TNRC6C: variants seen among roughly 807,000 people sequenced by gnomAD.
TNRC6C encodes trinucleotide repeat-containing gene 6C protein.
In TNRC6C, 20 loss-of-function variants were observed where a neutral mutation model predicts 153.7. That is an observed-to-expected ratio of 0.13 (90% CI 0.09 to 0.19). TNRC6C has a LOEUF of 0.19. Among genes scored for constraint, TNRC6C ranks in the 10% least tolerant of loss-of-function variants. The pLI is 1.00. For missense variants in TNRC6C, 1,987 were observed against 2,172.0 expected, an observed-to-expected ratio of 0.91 and a Z score of 1.69; for synonymous variants, 811 against 841.4, an observed-to-expected ratio of 0.96 and a Z score of 0.63.
Position 78,050,785 on chromosome 17 carries a change from C to G in TNRC6C, c.1723C>G (p.Pro575Ala), listed in dbSNP as rs759666081. 6 of 1,608,040 alleles carry G rather than the reference C, an allele frequency of 3.7e-6. No individual in the cohort carries two copies. The South Asian group carries it at 5.5e-5, about 15-fold the overall frequency. The change falls in exon 3 of 20, where the codon CCA becomes GCA. Residue 575 changes from proline to alanine, a missense_variant. Physicochemically the swap from Pro to Ala is conservative, Grantham distance 27 (BLOSUM62 -1). Transcript: ENST00000301624. ...CAAGTCACCCACCTGGGGTGAGCCT[C>G]CAAAGCCCAAATCCCAACACTGGGG...
intron 11 of TNRC6C, among the ~76,000 whole-genome samples, chr17:78,083,864 G>A (rs2073226224): frequency 6.6e-6 from 1 of 151,996 alleles, no homozygotes. Context: ...TAATTGCCAT[G>A]TCATTGTATA....
chr17:78,099,583 C>T (rs1394093421), intron 17 of TNRC6C, among the ~76,000 whole-genome samples: 1 of 152,096 alleles, frequency 6.6e-6, no homozygotes, highest in African/African-American at 2.4e-5. Flanking sequence ...ATGGAAAAGA[C>T]CTGCCCCCAT....
intron 2 of TNRC6C, among the ~76,000 whole-genome samples, chr17:78,038,754 T>G (rs1237897880): frequency 1.3e-5 from 2 of 152,094 alleles, no homozygotes; most frequent in Non-Finnish European, 2.9e-5. Context: ...TAGATCACTT[T>G]TCACTTACCA....
intron 1 of TNRC6C, among the ~76,000 whole-genome samples, chr17:77,974,279 A>G (rs1177460713): frequency 1.3e-5 from 2 of 152,200 alleles, no homozygotes; most frequent in Non-Finnish European, 2.9e-5. Flanking sequence ...AAAGATATAC[A>G]AATAGCTGAT....
intron 10 of TNRC6C, among the ~76,000 whole-genome samples, chr17:78,082,660 G>A (rs748609734): frequency 3.3e-5 from 5 of 152,158 alleles, no homozygotes; most frequent in South Asian, 2.1e-4. Flanking sequence ...ATGAACAGGC[G>A]CCCCTCATGC....
exon 3 of TNRC6C, chr17:78,051,355 A>G: frequency 6.4e-7 from 1 of 1,551,094 alleles, no homozygotes; most frequent in Non-Finnish European, 8.7e-7. Flanking sequence ...CACCACCACC[A>G]CCACTACCAC....
chr17:78,018,790 T>C (rs914351799), intron 1 of TNRC6C, among the ~76,000 whole-genome samples: 5 of 152,174 alleles, frequency 3.3e-5, no homozygotes, highest in Admixed American at 6.5e-5. Flanking sequence ...TCTGTATTTA[T>C]TGAATGAGTG....
chr17:78,045,802 A>G (rs2072397264), intron 2 of TNRC6C, among the ~76,000 whole-genome samples: 1 of 152,134 alleles, frequency 6.6e-6, no homozygotes, highest in African/African-American at 2.4e-5. Context: ...TTAAACATAA[A>G]AATTAAAAAT....
intron 1 of TNRC6C, among the ~76,000 whole-genome samples, chr17:77,974,648 T>G (rs2070972582): frequency 6.6e-6 from 1 of 152,232 alleles, no homozygotes; most frequent in Non-Finnish European, 1.5e-5. Flanking sequence ...TTGGTTCATT[T>G]CGTTTTGGGT....
intron 1 of TNRC6C, among the ~76,000 whole-genome samples, chr17:77,964,998 C>T (rs1358798863): frequency 1.3e-5 from 2 of 152,044 alleles, no homozygotes; most frequent in Admixed American, 6.6e-5. Flanking sequence ...TGGGAGTGGA[C>T]GAGGTTAGAA....
At chr17:77,962,760 A>G (rs1255432329) in intron 1 of TNRC6C, among the ~76,000 whole-genome samples, 3 of 152,172 alleles carry the variant, frequency 2.0e-5, no homozygotes, top group Admixed American at 2.0e-4. Flanking sequence ...CTCCAGCTCT[A>G]TCTCAGAGGG....
intron 9 of TNRC6C, 190 bp downstream of exon 11, chr17:78,077,524 G>A: frequency 1.4e-6 from 1 of 718,280 alleles, no homozygotes; most frequent in Non-Finnish European, 2.3e-6. Context: ...AGTAGGAAAT[G>A]CTTTAGTTAT....
At chr17:77,973,959 TTTGTTGTTG>T (rs372932549) in intron 1 of TNRC6C, among the ~76,000 whole-genome samples, 70 of 151,214 alleles carry the variant, frequency 4.6e-4, no homozygotes, top group African/African-American at 1.6e-3. Context: ...CCAGAAGGCT[TTTGTTGTTG>T]TTGTTGTTGT....
chr17:78,036,175 C>T (rs780127928), intron 2 of TNRC6C, among the ~76,000 whole-genome samples: 22 of 152,202 alleles, frequency 1.4e-4, no homozygotes, highest in Non-Finnish European at 3.2e-4. Context: ...TTCAGCTTCG[C>T]ACACGAATTT....
At chr17:77,976,951 A>AAC (rs1555625344) in intron 1 of TNRC6C, among the ~76,000 whole-genome samples, 3 of 150,386 alleles carry the variant, frequency 2.0e-5, no homozygotes, top group African/African-American at 7.4e-5. Flanking sequence ...AAAAAAAAAA[A>AAC]AAAAAAAAAC....
At chr17:77,982,288 T>C (rs2071089683) in intron 1 of TNRC6C, among the ~76,000 whole-genome samples, 1 of 152,170 alleles carries the variant, frequency 6.6e-6, no homozygotes, top group African/African-American at 2.4e-5. Flanking sequence ...GCATCTATTA[T>C]ATATTATGAA....
intron 1 of TNRC6C, among the ~76,000 whole-genome samples, chr17:77,996,191 C>T (rs752602882): frequency 6.6e-6 from 1 of 152,094 alleles, no homozygotes; most frequent in African/African-American, 2.4e-5. Flanking sequence ...AAATCGTAAT[C>T]AAATAATGCT....
At chr17:77,997,886 C>T (rs1409538772) in intron 1 of TNRC6C, among the ~76,000 whole-genome samples, 2 of 152,100 alleles carry the variant, frequency 1.3e-5, no homozygotes, top group African/African-American at 4.8e-5. Context: ...GATGTCCTGA[C>T]CTCGTGATCC....
chr17:78,075,356 G>A lies in TNRC6C; in HGVS notation c.3060+78G>A, dbSNP rs374191467. The A allele has an allele frequency of 4.7e-6, 7 of 1,485,328 alleles. No individual in the cohort carries two copies. The highest frequency in any genetic ancestry group is 4.2e-5 in the African/African-American group (3 of 70,738). 92.0% of individuals were successfully genotyped at this position (1,485,328 alleles called of 1,614,324 possible). A position where few individuals can be genotyped will look rare whatever the true frequency, so the allele number is the denominator to read the frequency against. ...CATTTCAACTGTGTCCTTAATACAA[G>A]CCAGATTAAAAACTTGCTGGACTAT... On this transcript the variant is annotated intron_variant, in intron 8 of 19. Transcript: ENST00000301624. The surrounding 1 kb of genome is among the most constrained non-coding windows in gnomAD (Gnocchi z 4.2).
Sources: gnomAD v4.1 joint callset for allele counts (sites outside exome capture counted in the v4.1 genomes callset) on GRCh38, gnomAD v4.1.1 for gene constraint, Gnocchi (gnomAD v3.1) non-coding constraint, MANE v1.5 for transcripts, NCBI Gene and HGNC (gene_info 2026-07-23, HGNC 2026-07-21) for gene names.